IQCK: variants seen among roughly 807,000 people sequenced by gnomAD.
IQCK encodes IQ motif containing K, also known as IQ domain-containing protein K.
IQCK carries 29 observed loss-of-function variants against 28.1 expected under a neutral mutation model. The ratio of observed to expected loss-of-function variants is 1.03; its 90% CI spans 0.77 to 1.41. The LOEUF (loss-of-function observed/expected upper bound fraction) is 1.41, where lower values mean the gene tolerates loss of function less well. IQCK is among the 40% of genes most tolerant of loss of function. IQCK has a pLI of 0.00. For synonymous variants in IQCK, 113 were observed against 115.1 expected (o/e 0.98, Z 0.12); for missense variants, 359 against 314.7 (o/e 1.14, Z -1.07).
chr16:19,844,899 G>C (rs1379893264), intron 9 of IQCK, among the ~76,000 whole-genome samples: 2 of 152,110 alleles, frequency 1.3e-5, no homozygotes, highest in African/African-American at 2.4e-5. Flanking sequence ...ACCGCTGCCT[G>C]CTGGGCTAAA....
intron 7 of IQCK, among the ~76,000 whole-genome samples, chr16:19,819,881 G>C (rs1288945145): frequency 2.8e-5 from 4 of 144,422 alleles, no homozygotes; most frequent in Admixed American, 6.9e-5. Context: ...AGTTTAACTT[G>C]AAAAAAAAAA....
At chr16:19,831,317 T>C (rs2056230733), downstream of IQCK, among the ~76,000 whole-genome samples, 1 of 152,220 alleles carries the variant, frequency 6.6e-6, no homozygotes, top group Admixed American at 6.5e-5. Context: ...TATGTTTTCA[T>C]GGACTGAAGC....
At chr16:19,783,033 G>A (rs2055511730) in intron 6 of IQCK, among the ~76,000 whole-genome samples, 1 of 147,434 alleles carries the variant, frequency 6.8e-6, no homozygotes, top group South Asian at 2.1e-4. Flanking sequence ...GAGTCTTGTT[G>A]TGTTGTGCAG....
rs114676136 is a variant in IQCK at position 19,773,020 on chromosome 16, A to T, written c.605+8908A>T. On this transcript the variant is annotated intron_variant, in intron 6 of 7. Coordinates refer to ENST00000564186, the Ensembl canonical transcript of IQCK. ...CCTGTCTCAAAAAATAATAATAATT[A>T]AAAAAACATTAAAATGAGATTGTTC... 3.1e-3 allele frequency among the ~76,000 whole-genome samples: 479 copies of T among 152,226 alleles called. 2 individuals carry two copies. Among genetic ancestry groups the T allele is most frequent in the African/African-American group, 0.011 (459 of 41,534 alleles).
intron 7 of IQCK, 27 bp from the exon 8 acceptor site, chr16:19,826,999 G>A (rs2056157659): frequency 6.7e-7 from 1 of 1,486,286 alleles, no homozygotes; most frequent in South Asian, 1.1e-5. Flanking sequence ...GTCGAAAAGG[G>A]ACTAAAGTTT....
intron 1 of IQCK, among the ~76,000 whole-genome samples, chr16:19,727,320 G>A (rs970348607): frequency 6.6e-6 from 1 of 152,000 alleles, no homozygotes; most frequent in Admixed American, 6.6e-5. Flanking sequence ...ACATATATTA[G>A]TAAATACATT....
intron 1 of IQCK, among the ~76,000 whole-genome samples, chr16:19,721,799 A>G (rs893739879): frequency 2.0e-5 from 3 of 152,038 alleles, no homozygotes; most frequent in African/African-American, 7.2e-5. Context: ...GCTGGTCTCA[A>G]ACACCTGACC....
In IQCK at chr16:19,852,966, C is replaced by T. The variant is rs112448333; in HGVS notation, c.803-3521C>T. On this transcript the variant is annotated intron_variant, in intron 9 of 9. Transcript: ENST00000320394. ...TAATCCAAGTTGATGCGTGTGGCTTCGGCTCACTCATGTTCAGTGTTGTAT... is the reference window on the plus strand; with the variant it reads ...TAATCCAAGTTGATGCGTGTGGCTTTGGCTCACTCATGTTCAGTGTTGTAT... Among the ~76,000 whole-genome samples the T allele has an allele frequency of 8.0e-3, 1,216 of 152,196 alleles. 18 individuals carry two copies. Among genetic ancestry groups the T allele is most frequent in the African/African-American group, 0.027 (1,134 of 41,500 alleles).
intron 1 of IQCK, among the ~76,000 whole-genome samples, chr16:19,726,786 G>A (rs1977668896): frequency 6.6e-6 from 1 of 152,144 alleles, no homozygotes; most frequent in Non-Finnish European, 1.5e-5. Context: ...GGAAATAATG[G>A]TGAGACAACA....
chr16:19,824,146 A>T (rs909594139), intron 7 of IQCK, among the ~76,000 whole-genome samples: 2 of 152,178 alleles, frequency 1.3e-5, no homozygotes, highest in Non-Finnish European at 2.9e-5. Flanking sequence ...TGAAATAATT[A>T]TACAACTCAC....
At chr16:19,773,765 TC>T (rs2055349635) in intron 6 of IQCK, among the ~76,000 whole-genome samples, 1 of 152,186 alleles carries the variant, frequency 6.6e-6, no homozygotes, top group Non-Finnish European at 1.5e-5. Flanking sequence ...CCAATAGCCT[TC>T]CCAAACCATG....
intron 1 of IQCK, 86 bp downstream of exon 1, chr16:19,718,573 C>G (rs914392299): frequency 6.3e-6 from 8 of 1,265,572 alleles, no homozygotes; most frequent in Non-Finnish European, 8.2e-6. Flanking sequence ...GTGCGCCTGT[C>G]GGCTGACGGG....
At chr16:19,856,417 C>T (rs2056563176) in intron 9 of IQCK, 70 bp from the exon 9 acceptor site, 2 of 1,321,202 alleles carry the variant, frequency 1.5e-6, no homozygotes, top group African/African-American at 2.9e-5. Flanking sequence ...ATCAGAGTTT[C>T]CGGTTTCCCA....
chr16:19,754,001 T>C (rs2055020270), intron 4 of IQCK, among the ~76,000 whole-genome samples: 1 of 152,062 alleles, frequency 6.6e-6, no homozygotes, highest in Non-Finnish European at 1.5e-5. Flanking sequence ...CACATGCCCA[T>C]TCCTGATTCA....
At chr16:19,855,030 C>T (rs747381869) in intron 9 of IQCK, among the ~76,000 whole-genome samples, 18 of 152,008 alleles carry the variant, frequency 1.2e-4, no homozygotes, top group South Asian at 2.1e-4. Flanking sequence ...ATTAGTAGTA[C>T]GCAAAACCAA....
intron 9 of IQCK, among the ~76,000 whole-genome samples, chr16:19,845,312 A>G (rs568838953): frequency 2.6e-5 from 4 of 152,382 alleles, no homozygotes; most frequent in African/African-American, 9.6e-5. Context: ...TAAAGGCAGC[A>G]TATAATATAC....
exon 2 of IQCK, chr16:19,730,447 C>T: frequency 6.2e-7 from 1 of 1,608,890 alleles, no homozygotes; most frequent in Non-Finnish European, 8.5e-7. Context: ...AGCTGAGCAG[C>T]CTCCCTTTCC....
intron 4 of IQCK, among the ~76,000 whole-genome samples, chr16:19,755,603 A>G (rs371260522): frequency 1.3e-5 from 2 of 152,128 alleles, no homozygotes; most frequent in Non-Finnish European, 2.9e-5. Flanking sequence ...CATAACTAGA[A>G]CCGGAACCAG....
At chr16:19,857,351 C>A in exon 10 of IQCK, 1 of 395,740 alleles carries the variant, frequency 2.5e-6, no homozygotes, top group South Asian at 1.8e-5. Flanking sequence ...GAAAATAAAA[C>A]CTATCTGCCC....
Sources: allele counts gnomAD v4.1 joint callset (sites outside exome capture counted in the v4.1 genomes callset), GRCh38; gene constraint gnomAD v4.1.1; transcripts MANE v1.5; gene names NCBI Gene and HGNC (gene_info 2026-07-23, HGNC 2026-07-21).